CELF2: variants seen among roughly 807,000 people sequenced by gnomAD.
CELF2 encodes the protein CUG triplet repeat RNA-binding protein 2.
A neutral mutation model predicts 62.6 loss-of-function variants in CELF2; 8 were observed. The ratio of observed to expected loss-of-function variants is 0.13; its 90% confidence interval spans 0.07 to 0.23. The LOEUF (loss-of-function observed/expected upper bound fraction) is 0.23, where lower values mean the gene tolerates loss of function less well. Among genes scored for constraint, CELF2 ranks in the 10% least tolerant of loss-of-function variants. CELF2 has a pLI of 1.00. For missense variants in CELF2, 333 were observed against 671.0 expected, an observed-to-expected ratio of 0.50 and a Z score of 5.56; for synonymous variants, 258 against 250.0, an observed-to-expected ratio of 1.03 and a Z score of -0.30.
chr10:10,924,482 T>G (rs549979282), intron 2 of CELF2, among the ~76,000 whole-genome samples: 1 of 152,064 alleles, frequency 6.6e-6, no homozygotes, highest in Non-Finnish European at 1.5e-5. Context: ...AACAGAAGTA[T>G]CTTAAGTACT....
In CELF2 at chr10:11,005,393, C is replaced by A. The variant is rs2055059798; in HGVS notation, c.6C>A (p.Arg2=). The A allele has an allele frequency of 6.2e-7, 1 of 1,613,822 alleles. No homozygotes were observed. The change falls in exon 1 of 13, where the codon CGC becomes CGA. Residue 2 remains arginine, a synonymous_variant. Coordinates refer to the CELF2 transcript ENST00000416382. This position sits in a 1 kb window ranked among gnomAD's most constrained non-coding sequence, Gnocchi z 4.3. ...GAGACTATCAGTATAGAAGCATGCG[C>A]TGTCCCAAATCCGCTGTTACTATGA...
chr10:10,919,356 A>G (rs1287127890), intron 1 of CELF2, among the ~76,000 whole-genome samples: 1 of 151,948 alleles, frequency 6.6e-6, no homozygotes, highest in Non-Finnish European at 1.5e-5. Flanking sequence ...GGTCATTTTT[A>G]TTAATATGCA....
chr10:10,624,447 GA>G, the CELF2 span, among the ~76,000 whole-genome samples: 1 of 152,162 alleles, frequency 6.6e-6, no homozygotes, highest in African/African-American at 2.4e-5. Context: ...AAGTCAAAAT[GA>G]TTCAGGCTTT....
At chr10:11,206,240 T>C (rs1287247113) in intron 2 of CELF2, among the ~76,000 whole-genome samples, 2 of 152,144 alleles carry the variant, frequency 1.3e-5, no homozygotes, top group African/African-American at 2.4e-5. Context: ...AAGTGGAGAC[T>C]TGAGAGATCG....
At chr10:10,586,584 G>A in the CELF2 span, among the ~76,000 whole-genome samples, 13 of 152,270 alleles carry the variant, frequency 8.5e-5, no homozygotes, top group African/African-American at 2.4e-4. Flanking sequence ...GCTATGCCGT[G>A]TAGTGGGAAA....
the CELF2 span, among the ~76,000 whole-genome samples, chr10:10,512,577 A>C: frequency 6.7e-6 from 1 of 149,432 alleles, no homozygotes; most frequent in African/African-American, 2.5e-5. Flanking sequence ...AGGCCCGGCT[A>C]ACTTTTTTTG....
chr10:11,072,915 ATT>A (rs907293431), intron 1 of CELF2, among the ~76,000 whole-genome samples: 4 of 152,008 alleles, frequency 2.6e-5, no homozygotes. Context: ...CATAGAAAAC[ATT>A]TTTAATAACT....
At position 11,010,133 on chromosome 10, in the gene CELF2, C is replaced by T. The variant is rs1413722544; in HGVS notation, c.53+4693C>T. 6.6e-6 allele frequency: 1 copy of T among 152,258 alleles called. No individual in the cohort carries two copies. The highest frequency in any genetic ancestry group is 1.9e-4 in the East Asian group (1 of 5,200). 9.4% of individuals were successfully genotyped at this position (152,258 alleles called of 1,614,324 possible). On this transcript the variant is annotated intron_variant, in intron 1 of 12. Transcript: ENST00000416382. The surrounding 1 kb of genome is among the most constrained non-coding windows in gnomAD (Gnocchi z 4.1). ...AACATCCTGGGCTGAGAGTCCAGCT[C>T]TCCTCTGGGCTCGATGAGAAGGCTG...
chr10:10,805,731 C>T (rs2131603456), intron 1 of CELF2, among the ~76,000 whole-genome samples: 1 of 152,262 alleles, frequency 6.6e-6, no homozygotes, highest in South Asian at 2.1e-4. Flanking sequence ...AGGAGCCCGG[C>T]TGGAGTTTGA....
intron 2 of CELF2, among the ~76,000 whole-genome samples, chr10:11,174,467 C>T (rs1035111380): frequency 6.6e-6 from 1 of 152,204 alleles, no homozygotes; most frequent in Non-Finnish European, 1.5e-5. Context: ...CCAGTATCCA[C>T]ATTCAGGTAT....
Position 11,211,813 on chromosome 10 carries a change from A to AGTGTGCGTGT in CELF2, c.272-5607_272-5606insCGTGTGTGTG, listed in dbSNP as rs1554956938. 1.1e-5 allele frequency among the ~76,000 whole-genome samples: 1 copy of AGTGTGCGTGT among 89,256 alleles called. No individual in the cohort carries two copies. The highest frequency in any genetic ancestry group is 4.7e-5 in the African/African-American group (1 of 21,122). The allele number at this position is 89,256 out of a possible 152,430, so 58.6% of individuals were successfully genotyped here. On this transcript the variant is annotated intron_variant, in intron 2 of 12. Transcript: ENST00000633077. This position sits in a 1 kb window ranked among gnomAD's most constrained non-coding sequence, Gnocchi z 4.8. Reference sequence around the variant, plus strand: ...GTGTGAGAGAGAGAGAGAGAGAGAGAGTGTGTGTGTGTGTGTGTGTGTGTG... The same window carrying AGTGTGCGTGT: ...GTGTGAGAGAGAGAGAGAGAGAGAGAGTGTGCGTGTGTGTGTGTGTGTGTGTGTGTGTGTG...
the CELF2 span, among the ~76,000 whole-genome samples, chr10:10,588,058 G>A: frequency 6.6e-6 from 1 of 151,234 alleles, no homozygotes; most frequent in Non-Finnish European, 1.5e-5. Context: ...TCTTGAAGAT[G>A]AAGGCATGAT....
At chr10:11,042,555 C>T (rs1362187403) in intron 1 of CELF2, among the ~76,000 whole-genome samples, 1 of 152,178 alleles carries the variant, frequency 6.6e-6, no homozygotes, top group African/African-American at 2.4e-5. Flanking sequence ...ACCACGAAAG[C>T]CAGTCACCCT....
chr10:10,771,927 A>C, the CELF2 span, among the ~76,000 whole-genome samples: 348 of 152,346 alleles, frequency 2.3e-3, 2 homozygotes, highest in African/African-American at 8.1e-3. Context: ...AAAAGTTCTG[A>C]TTAATATATA....
At chr10:11,241,668 C>T (rs2073942948) in intron 3 of CELF2, among the ~76,000 whole-genome samples, 1 of 152,124 alleles carries the variant, frequency 6.6e-6, no homozygotes, top group African/African-American at 2.4e-5. Flanking sequence ...AAGTCACCAT[C>T]CCTAAAGCTA....
chr10:11,167,266 T>TA (rs997328532), intron 2 of CELF2, among the ~76,000 whole-genome samples: 6 of 152,260 alleles, frequency 3.9e-5, no homozygotes, highest in Middle Eastern at 3.4e-3. Context: ...AGGCTAGAGC[T>TA]AAAAAAATTA....
chr10:11,296,188 T>G lies in CELF2; in HGVS notation c.976+7636T>G, dbSNP rs1220029301. 2.0e-5 allele frequency among the ~76,000 whole-genome samples: 3 copies of G among 152,216 alleles called. No individual in the cohort carries two copies. The highest frequency in any genetic ancestry group is 4.4e-5 in the Non-Finnish European group (3 of 68,030). On this transcript the variant is annotated intron_variant, in intron 9 of 12. Coordinates refer to ENST00000633077, the MANE Select transcript of CELF2 (RefSeq NM_001326342.2). This position sits in a 1 kb window ranked among gnomAD's most constrained non-coding sequence, Gnocchi z 5.0. ...TCACCAAGCGCATTGTTCCTTGTTT[T>G]GAGTGGGCTTTTTAACATGTGCAGA...
chr10:10,608,998 C>T, the CELF2 span, among the ~76,000 whole-genome samples: 4 of 152,124 alleles, frequency 2.6e-5, no homozygotes, highest in Non-Finnish European at 2.9e-5. Flanking sequence ...CACTGGCCTC[C>T]GTGAGCCAGG....
intron 3 of CELF2, among the ~76,000 whole-genome samples, chr10:11,221,057 G>A (rs551631534): frequency 6.6e-6 from 1 of 152,342 alleles, no homozygotes; most frequent in South Asian, 2.1e-4. Flanking sequence ...TCCTTGAGAT[G>A]CCTAGTAAGT....
Sources: gnomAD v4.1 joint callset for allele counts (sites outside exome capture counted in the v4.1 genomes callset) on GRCh38, gnomAD v4.1.1 for gene constraint, Gnocchi (gnomAD v3.1) non-coding constraint, MANE v1.5 for transcripts, NCBI Gene and HGNC (gene_info 2026-07-23, HGNC 2026-07-21) for gene names.